RANBP2: variants seen among roughly 807,000 people sequenced by gnomAD.
RANBP2 encodes E3 SUMO-protein ligase RanBP2.
Under a neutral mutation model 303.6 loss-of-function variants are expected in RANBP2, and 57 were observed. The observed-to-expected ratio is 0.19, with a 90% confidence interval of 0.15 to 0.23. RANBP2 has a LOEUF of 0.23. Ranked by LOEUF, RANBP2 falls within the 10% of genes least tolerant of loss-of-function variation. RANBP2 has a pLI of 1.00. For missense variants in RANBP2, 3,138 were observed against 3,780.8 expected (o/e 0.83, Z 4.46); for synonymous variants, 1,167 against 1,301.5 (o/e 0.90, Z 2.23).
chr2:109,304,317 A>G, the RANBP2 span, among the ~76,000 whole-genome samples: 1 of 152,190 alleles, frequency 6.6e-6, no homozygotes, highest in Non-Finnish European at 1.5e-5. Context: ...TTTAGCTCCA[A>G]CATATAAGTG....
At chr2:109,080,083 C>A in the RANBP2 span, among the ~76,000 whole-genome samples, 1 of 152,194 alleles carries the variant, frequency 6.6e-6, no homozygotes, top group Admixed American at 6.5e-5. Context: ...AATGTGGAGG[C>A]TTCGAGCTAG....
the RANBP2 span, among the ~76,000 whole-genome samples, chr2:109,003,206 A>C: frequency 2.9e-5 from 2 of 68,636 alleles, no homozygotes; most frequent in Non-Finnish European, 4.5e-5. Context: ...TCTCCCTCTC[A>C]AAAAAAAAAA....
At chr2:108,892,116 G>A in the RANBP2 span, among the ~76,000 whole-genome samples, 5 of 152,098 alleles carry the variant, frequency 3.3e-5, no homozygotes, top group African/African-American at 7.2e-5. Context: ...AGGGATGATG[G>A]CAGCTGTGCT....
chr2:109,087,482 C>G, the RANBP2 span, among the ~76,000 whole-genome samples: 2 of 152,140 alleles, frequency 1.3e-5, no homozygotes, highest in Non-Finnish European at 2.9e-5. Flanking sequence ...GAGCGCAGGG[C>G]TCTCTCCACT....
chr2:109,546,355 A>C, the RANBP2 span: 2 of 542,828 alleles, frequency 3.7e-6, no homozygotes, highest in Non-Finnish European at 6.1e-6. Flanking sequence ...TACACAGTCA[A>C]AATCTTTCTG....
chr2:108,993,520 G>A, the RANBP2 span, among the ~76,000 whole-genome samples: 1 of 152,274 alleles, frequency 6.6e-6, no homozygotes, highest in East Asian at 1.9e-4. Flanking sequence ...GACTAAGTCT[G>A]GGGGAGTATT....
At chr2:109,362,761 G>A in the RANBP2 span, among the ~76,000 whole-genome samples, 13 of 152,258 alleles carry the variant, frequency 8.5e-5, no homozygotes, top group East Asian at 1.2e-3. Context: ...TGTTAGGTGC[G>A]TGTAATGATA....
the RANBP2 span, among the ~76,000 whole-genome samples, chr2:109,166,448 G>A: frequency 2.3e-5 from 3 of 128,486 alleles, no homozygotes; most frequent in Non-Finnish European, 3.2e-5. Flanking sequence ...CTGTACTCCA[G>A]CCTGGTGACA....
At chr2:109,246,757 A>G in the RANBP2 span, among the ~76,000 whole-genome samples, 2 of 152,114 alleles carry the variant, frequency 1.3e-5, no homozygotes, top group African/African-American at 2.4e-5. Flanking sequence ...CGGGGTGGAG[A>G]TGATACCTGA....
chr2:109,326,164 T>C, the RANBP2 span, among the ~76,000 whole-genome samples: 1 of 152,250 alleles, frequency 6.6e-6, no homozygotes, highest in Non-Finnish European at 1.5e-5. Flanking sequence ...CTGTTCTTGG[T>C]GCTGAATATT....
At chr2:109,062,489 G>A in the RANBP2 span, among the ~76,000 whole-genome samples, 1 of 152,066 alleles carries the variant, frequency 6.6e-6, no homozygotes, top group Non-Finnish European at 1.5e-5. Context: ...GTGTATAGCC[G>A]GGTGGATTTT....
At chr2:109,270,087 A>T in the RANBP2 span, among the ~76,000 whole-genome samples, 1 of 152,214 alleles carries the variant, frequency 6.6e-6, no homozygotes, top group African/African-American at 2.4e-5. Context: ...GCCGTGGGGC[A>T]GGGGCACCAG....
the RANBP2 span, among the ~76,000 whole-genome samples, chr2:109,619,366 C>T: frequency 6.6e-6 from 1 of 152,222 alleles, no homozygotes; most frequent in East Asian, 1.9e-4. Context: ...TTTGCACACA[C>T]CATCTGCCAT....
the RANBP2 span, among the ~76,000 whole-genome samples, chr2:109,271,597 A>T: frequency 2.0e-5 from 3 of 152,220 alleles, no homozygotes; most frequent in African/African-American, 7.2e-5. Flanking sequence ...GACCTTCTGG[A>T]GTGGGGACCA....
chr2:109,356,713 C>T, the RANBP2 span, among the ~76,000 whole-genome samples: 1 of 152,214 alleles, frequency 6.6e-6, no homozygotes, highest in Non-Finnish European at 1.5e-5. Flanking sequence ...CTGTGAAGTA[C>T]ACCCATCTTT....
intron 25 of RANBP2, among the ~76,000 whole-genome samples, chr2:108,780,381 T>TA (rs1553502052): frequency 7.0e-6 from 1 of 143,680 alleles, no homozygotes; most frequent in Non-Finnish European, 1.5e-5. Context: ...TTTTTTTTTT[T>TA]AAAGACAGAG....
chr2:108,772,902 G>A lies in RANBP2; in HGVS notation c.8148G>A (p.Lys2716=). ...NEKECIIVWE[K]KPTVEEKAKA... ...AAGAATGTATTATTGTTTGGGAAAA[G>A]AAACCAACAGTTGAAGAGAAGGCAA... Residue 2716 remains lysine (K), a synonymous_variant, in exon 23 of 29, where the codon AAG becomes AAA. Coordinates refer to ENST00000283195, the MANE Select transcript of RANBP2 (RefSeq NM_006267.5). 6.2e-7 allele frequency: 1 copy of A among 1,613,906 alleles called. No homozygotes were observed. The highest frequency in any genetic ancestry group is 8.5e-7 in the Non-Finnish European group (1 of 1,179,930).
the RANBP2 span, among the ~76,000 whole-genome samples, chr2:109,112,226 T>C: frequency 6.6e-6 from 1 of 152,120 alleles, no homozygotes; most frequent in Non-Finnish European, 1.5e-5. Context: ...CCACAATGGT[T>C]GAACTAGTTG....
At chr2:109,038,260 A>G in the RANBP2 span, among the ~76,000 whole-genome samples, 1 of 152,238 alleles carries the variant, frequency 6.6e-6, no homozygotes, top group Non-Finnish European at 1.5e-5. Flanking sequence ...ACTTGTCTCA[A>G]ACCATATACA....
Sources: gnomAD v4.1 joint callset for allele counts (sites outside exome capture counted in the v4.1 genomes callset) on GRCh38, gnomAD v4.1.1 for gene constraint, MANE v1.5 for transcripts, NCBI Gene and HGNC (gene_info 2026-07-23, HGNC 2026-07-21) for gene names.